FAM227A: variants seen among roughly 807,000 people sequenced by gnomAD.
FAM227A encodes the protein protein FAM227A.
FAM227A carries 80 observed loss-of-function variants against 74.7 expected under a neutral mutation model. The observed-to-expected ratio is 1.07, with a 90% confidence interval of 0.89 to 1.29. The LOEUF is 1.29. Among genes scored for constraint, FAM227A ranks in the 50% most tolerant of loss-of-function variants. The probability of loss-of-function intolerance (pLI) is 0.00; values close to 1 mark genes in which losing one functional copy is unlikely to be tolerated. For missense variants in FAM227A, 654 were observed against 683.4 expected, an observed-to-expected ratio of 0.96 and a Z score of 0.48; for synonymous variants, 237 against 241.8, an observed-to-expected ratio of 0.98 and a Z score of 0.19.
chr22:38,636,428 G>A (rs1053089338), intron 6 of FAM227A, 23 bp downstream of exon 6: 5 of 1,548,974 alleles, frequency 3.2e-6, no homozygotes, highest in Non-Finnish European at 3.5e-6. Context: ...GCAAACTCAG[G>A]GCAGGCACTG....
intron 6 of FAM227A, among the ~76,000 whole-genome samples, chr22:38,631,335 C>T (rs530483891): frequency 6.6e-6 from 1 of 152,142 alleles, no homozygotes; most frequent in East Asian, 1.9e-4. Flanking sequence ...GAGCTGAACA[C>T]TGGGTACGCG....
At chr22:38,588,747 C>T (rs1453437964) in intron 16 of FAM227A, among the ~76,000 whole-genome samples, 6 of 147,472 alleles carry the variant, frequency 4.1e-5, no homozygotes, top group Non-Finnish European at 8.9e-5. Flanking sequence ...AGTGAAACCC[C>T]GTCTCTACTA....
chr22:38,595,920 T>C (rs2091032917), intron 15 of FAM227A, among the ~76,000 whole-genome samples: 1 of 144,580 alleles, frequency 6.9e-6, no homozygotes, highest in African/African-American at 2.6e-5. Flanking sequence ...AAACCCAGAA[T>C]GTGGCTTGAG....
In FAM227A at chr22:38,605,830, T is replaced by C. The variant is rs75412845; in HGVS notation, c.1127-482A>G. ...TGATCAGTGGTCCCCAAGCTTTTTC[T>C]TTAAAAGTTTTACTGGGACATAATT... On this transcript the variant is annotated intron_variant, in intron 12 of 16. Transcript: ENST00000535113. Among the ~76,000 whole-genome samples, 12 of 152,336 alleles carry C rather than the reference T, an allele frequency of 7.9e-5. No individual in the cohort carries two copies. The East Asian group carries it at 2.3e-3, about 29-fold the overall frequency.
intron 6 of FAM227A, among the ~76,000 whole-genome samples, chr22:38,633,636 G>A (rs1221882395): frequency 6.6e-6 from 1 of 152,144 alleles, no homozygotes; most frequent in Admixed American, 6.5e-5. Flanking sequence ...CCACCTCCCG[G>A]GTTCAAGCAA....
Position 38,583,039 on chromosome 22 carries a change from G to C in FAM227A, c.*3086C>G, listed in dbSNP as rs1348458098. 1.4e-6 allele frequency: 2 copies of C among 1,408,488 alleles called. No individual in the cohort carries two copies. Among genetic ancestry groups the C allele is most frequent in the East Asian group, 2.5e-5 (1 of 40,138 alleles). 87.2% of individuals were successfully genotyped at this position (1,408,488 alleles called of 1,614,324 possible). ...CAGAAATAGGAAAGTGTGGTTCCTA[G>C]AGAAACTGCAAATGAAGAGTTGACA... is the stretch of plus-strand genomic sequence containing the variant. On this transcript the variant is annotated 3_prime_UTR_variant, in exon 17 of 17. Transcript: ENST00000535113.
chr22:38,633,999 A>G (rs1203943101), intron 6 of FAM227A, among the ~76,000 whole-genome samples: 1 of 151,932 alleles, frequency 6.6e-6, no homozygotes, highest in Admixed American at 6.6e-5. Context: ...CAGGTGGACC[A>G]CTTGAGGTCA....
chr22:38,580,625 G>T lies in FAM227A; in HGVS notation c.*5500C>A, dbSNP rs2090698792. The T allele has an allele frequency of 6.6e-6, 1 of 152,154 alleles. No homozygotes were observed. Among genetic ancestry groups the T allele is most frequent in the South Asian group, 2.1e-4 (1 of 4,820 alleles). The allele number at this position is 152,154 out of a possible 1,614,324, so 9.4% of individuals were successfully genotyped here. On this transcript the variant is annotated 3_prime_UTR_variant, in exon 17 of 17. Coordinates refer to ENST00000535113, the MANE Select transcript of FAM227A (RefSeq NM_001013647.2). ...TCATTATTTCTGAATTTATTAGGTG[G>T]ATTGTTTCTAAAGACAAGTTTCTGT... is the stretch of plus-strand genomic sequence containing the variant.
intron 2 of FAM227A, among the ~76,000 whole-genome samples, chr22:38,649,183 CTGAT>C (rs1163216137): frequency 6.6e-6 from 1 of 152,150 alleles, no homozygotes; most frequent in East Asian, 1.9e-4. Context: ...GGGGCTCTTT[CTGAT>C]TATGTTAGTA....
At chr22:38,651,967 T>C (rs1484786762) in intron 1 of FAM227A, among the ~76,000 whole-genome samples, 1 of 151,656 alleles carries the variant, frequency 6.6e-6, no homozygotes, top group Non-Finnish European at 1.5e-5. Context: ...GGCAGGCGAA[T>C]CATGAGGTCA....
chr22:38,646,246 T>C (rs955038803), intron 2 of FAM227A, among the ~76,000 whole-genome samples: 2 of 133,562 alleles, frequency 1.5e-5, no homozygotes, highest in African/African-American at 6.0e-5. Context: ...CTTCCAGTAT[T>C]TCTTTTTTTT....
At chr22:38,652,817 C>A (rs1293070188) in intron 1 of FAM227A, among the ~76,000 whole-genome samples, 2 of 142,966 alleles carry the variant, frequency 1.4e-5, no homozygotes, top group East Asian at 4.1e-4. Context: ...GCGGGGCTTG[C>A]AGTGAGCCGA....
chr22:38,633,691 G>A (rs866594813), intron 6 of FAM227A, among the ~76,000 whole-genome samples: 95 of 152,098 alleles, frequency 6.2e-4, no homozygotes, highest in African/African-American at 2.2e-3. Flanking sequence ...ACAGGTGTGT[G>A]TCACCACGCC....
chr22:38,617,825 T>C (rs5750646), intron 11 of FAM227A, among the ~76,000 whole-genome samples: 53,436 of 151,742 alleles, frequency 0.35, 9,740 homozygotes, highest in East Asian at 0.45. Context: ...TAGCAAGACT[T>C]CTCTATTAAA....
At chr22:38,611,299 G>A (rs1046614230) in intron 11 of FAM227A, among the ~76,000 whole-genome samples, 2 of 152,102 alleles carry the variant, frequency 1.3e-5, no homozygotes, top group Non-Finnish European at 1.5e-5. Flanking sequence ...TTGGGGGTTG[G>A]GGAGCCTAAA....
chr22:38,580,570 G>A lies in FAM227A; in HGVS notation c.*5555C>T, dbSNP rs1351636909. ...CAACCTAGATCCATTAATTCATTAG[G>A]GGTTTCAAAATGGTGATATTTTAAG... On this transcript the variant is annotated 3_prime_UTR_variant, in exon 17 of 17. Transcript: ENST00000535113. 3 of 152,230 alleles carry A rather than the reference G, an allele frequency of 2.0e-5. No homozygotes were observed. The East Asian group carries it at 5.8e-4, about 29-fold the overall frequency. The allele number at this position is 152,230 out of a possible 1,614,324, so 9.4% of individuals were successfully genotyped here.
chr22:38,578,491 C>G lies in FAM227A; in HGVS notation c.*7634G>C, dbSNP rs555460335. 1 of 152,296 alleles carries G rather than the reference C, an allele frequency of 6.6e-6. No homozygotes were observed. Among genetic ancestry groups the G allele is most frequent in the Admixed American group, 6.5e-5 (1 of 15,284 alleles). 9.4% of individuals were successfully genotyped at this position (152,296 alleles called of 1,614,324 possible). A position where few individuals can be genotyped will look rare whatever the true frequency, so the allele number is the denominator to read the frequency against. The stretch of plus-strand genomic sequence containing the variant: ...CACATAGGTGTCCAAGAGAGGCTTG[C>G]TATGACAGTTTATTTTACTAGCATT... On this transcript the variant is annotated 3_prime_UTR_variant, in exon 17 of 17. Coordinates refer to ENST00000535113, the MANE Select transcript of FAM227A (RefSeq NM_001013647.2).
At chr22:38,641,054 A>T (rs995379003) in intron 3 of FAM227A, among the ~76,000 whole-genome samples, 4 of 152,158 alleles carry the variant, frequency 2.6e-5, no homozygotes, top group Admixed American at 2.6e-4. Flanking sequence ...AATATCTCTG[A>T]TCTTTACCAA....
At chr22:38,639,771 CT>C (rs1369456895) in intron 3 of FAM227A, 47 bp from the exon 4 acceptor site, 1 of 1,320,288 alleles carries the variant, frequency 7.6e-7, no homozygotes, top group Non-Finnish European at 1.1e-6. Flanking sequence ...AATGCAAATC[CT>C]GGAGAAGGGT....
Sources: gnomAD v4.1 joint callset for allele counts (sites outside exome capture counted in the v4.1 genomes callset) on GRCh38, gnomAD v4.1.1 for gene constraint, MANE v1.5 for transcripts, NCBI Gene and HGNC (gene_info 2026-07-23, HGNC 2026-07-21) for gene names.